Variants in MAP3K4 observed in about 807,000 individuals in gnomAD.
MAP3K4 encodes MAP three kinase 1.
In MAP3K4, 67 loss-of-function variants were observed where a neutral mutation model predicts 185.6. That is an observed-to-expected ratio of 0.36 (90% confidence interval 0.30 to 0.44). The LOEUF is 0.44. Ranked by LOEUF, MAP3K4 falls within the 20% of genes least tolerant of loss-of-function variation. MAP3K4 has a pLI of 1.00. For synonymous variants in MAP3K4, 702 were observed against 710.4 expected (o/e 0.99, Z 0.19); for missense variants, 1,551 against 1,995.1 (o/e 0.78, Z 4.24).
chr6:161,045,166 A>G (rs1250147655), intron 2 of MAP3K4, among the ~76,000 whole-genome samples: 1 of 151,924 alleles, frequency 6.6e-6, no homozygotes, highest in African/African-American at 2.4e-5. Flanking sequence ...TTAAACTAAG[A>G]TGTATGAATT....
Position 161,063,183 on chromosome 6 carries a change from ATTCTGAG to A in MAP3K4, c.1708-7420_1708-7414del, listed in dbSNP as rs1562514847. On this transcript the variant is annotated intron_variant, in intron 3 of 26. Coordinates refer to ENST00000392142, the MANE Select transcript of MAP3K4 (RefSeq NM_005922.4). This position sits in a 1 kb window ranked among gnomAD's most constrained non-coding sequence, Gnocchi z 5.4. Reference sequence around the variant, plus strand: ...ATTTGATTTTTGATTAAAAAATTAAATTCTGAGTTCTATCACTGAGGTTTTTTTTCTA... The same window carrying A: ...ATTTGATTTTTGATTAAAAAATTAAATTCTATCACTGAGGTTTTTTTTCTA... Among the ~76,000 whole-genome samples the A allele has an allele frequency of 2.6e-5, 4 of 151,992 alleles. No homozygotes were observed. The highest frequency in any genetic ancestry group is 7.2e-5 in the African/African-American group (3 of 41,402).
At chr6:161,002,628 G>GTCACC (rs1247138728) in intron 1 of MAP3K4, among the ~76,000 whole-genome samples, 1 of 116,704 alleles carries the variant, frequency 8.6e-6, no homozygotes, top group Non-Finnish European at 1.6e-5. Context: ...GTCTCGCTCT[G>GTCACC]TCACCCAGGC....
At position 161,106,852 on chromosome 6, in the gene MAP3K4, G is replaced by A. The variant is rs1778097345; in HGVS notation, c.4048+147G>A. 1 of 540,894 alleles carries A rather than the reference G, an allele frequency of 1.8e-6. No individual in the cohort carries two copies. The highest frequency in any genetic ancestry group is 3.0e-6 in the Non-Finnish European group (1 of 335,454). The allele number at this position is 540,894 out of a possible 1,614,324, so 33.5% of individuals were successfully genotyped here. A position where few individuals can be genotyped will look rare whatever the true frequency, so the allele number is the denominator to read the frequency against. On this transcript the variant is annotated intron_variant, in intron 20 of 26. Transcript: ENST00000392142. The surrounding 1 kb of genome is among the most constrained non-coding windows in gnomAD (Gnocchi z 4.9). ...TTGTTATCTTTTTGCAAAGTGGTCT[G>A]GATTTTTTTTGGTTGTTTAATTTGT...
chr6:161,077,893 A>G lies in MAP3K4; in HGVS notation c.2098-2988A>G, dbSNP rs564282762. Among the ~76,000 whole-genome samples the G allele has an allele frequency of 4.6e-5, 7 of 152,228 alleles. No homozygotes were observed. Among genetic ancestry groups the G allele is most frequent in the Admixed American group, 3.9e-4 (6 of 15,294 alleles). On this transcript the variant is annotated intron_variant, in intron 5 of 26. Transcript: ENST00000392142. This position sits in a 1 kb window ranked among gnomAD's most constrained non-coding sequence, Gnocchi z 4.3. ...GAAAAAAATATATATATGTATTAAT[A>G]TGTATATACGAGAAAAGGGTGAGGT... is the stretch of plus-strand genomic sequence containing the variant.
In MAP3K4 at chr6:160,992,035, C is replaced by T; in HGVS notation, c.104C>T (p.Pro35Leu). ...PPPPPPPPPP[P>L]PEPETESEPE... ...CCACCGCCGCCGCCGCCACCACCGC[C>T]ACCGGAACCCGAGACCGAGTCAGAA... Residue 35 changes from proline to leucine, a missense_variant, in exon 1 of 27, where the codon CCA (proline) becomes CTA (leucine). This residue lies in a region of MAP3K4 where 287 missense variants were observed against 268.8 expected (regional missense o/e 1.07). Coordinates refer to ENST00000392142, the MANE Select transcript of MAP3K4 (RefSeq NM_005922.4). 1.3e-6 allele frequency: 2 copies of T among 1,571,334 alleles called. No individual in the cohort carries two copies. Among genetic ancestry groups the T allele is most frequent in the Non-Finnish European group, 1.7e-6 (2 of 1,165,528 alleles).
Position 161,020,433 on chromosome 6 carries a change from G to A in MAP3K4, c.153-13826G>A, listed in dbSNP as rs191918510. Among the ~76,000 whole-genome samples, 12 of 152,236 alleles carry A rather than the reference G, an allele frequency of 7.9e-5. No individual in the cohort carries two copies. In the East Asian group the frequency reaches 1.7e-3, roughly 22 times the overall value. On this transcript the variant is annotated intron_variant, in intron 1 of 26. Coordinates refer to ENST00000392142, the MANE Select transcript of MAP3K4 (RefSeq NM_005922.4). Reference sequence around the variant, plus strand: ...CCAGCACTTTGGGAGGCCGAGGTGGGCAGATCACAAGGTTAGGAGATTGAG... The same window carrying A: ...CCAGCACTTTGGGAGGCCGAGGTGGACAGATCACAAGGTTAGGAGATTGAG...
In MAP3K4 at chr6:161,100,849, A is replaced by G. The variant is rs1400599880; in HGVS notation, c.3675-1043A>G. On this transcript the variant is annotated intron_variant, in intron 17 of 26. Coordinates refer to ENST00000392142, the MANE Select transcript of MAP3K4 (RefSeq NM_005922.4). The surrounding 1 kb of genome is among the most constrained non-coding windows in gnomAD (Gnocchi z 5.8). Reference sequence around the variant, plus strand: ...TCAACACCAGTGGTTTTCCCGTCAGATAGTGCCGAATTTTTTATGAACTAT... The same window carrying G: ...TCAACACCAGTGGTTTTCCCGTCAGGTAGTGCCGAATTTTTTATGAACTAT... 1.3e-5 allele frequency among the ~76,000 whole-genome samples: 2 copies of G among 152,154 alleles called. No individual in the cohort carries two copies. The highest frequency in any genetic ancestry group is 4.8e-5 in the African/African-American group (2 of 41,420).
rs978467986 is a variant in MAP3K4 at position 161,075,032 on chromosome 6, A to T, written c.2097+1420A>T. ...TCTGTAGTAGAAGTAGAGAAGGAAG[A>T]ATGTGGCTGGGAATGAGACATATTA... On this transcript the variant is annotated intron_variant, in intron 5 of 26. Transcript: ENST00000392142. The surrounding 1 kb of genome is among the most constrained non-coding windows in gnomAD (Gnocchi z 4.3). Among the ~76,000 whole-genome samples the T allele has an allele frequency of 3.3e-5, 5 of 152,342 alleles. 1 individual carries two copies. Among genetic ancestry groups the T allele is most frequent in the Admixed American group, 3.3e-4 (5 of 15,302 alleles).
chr6:161,072,939 T>C (rs1785016860), intron 4 of MAP3K4, among the ~76,000 whole-genome samples: 1 of 152,210 alleles, frequency 6.6e-6, no homozygotes, highest in Non-Finnish European at 1.5e-5. Context: ...CATCACATAA[T>C]ATTAAGTCGG....
At chr6:161,041,101 G>A (rs555902181) in intron 2 of MAP3K4, among the ~76,000 whole-genome samples, 1 of 152,330 alleles carries the variant, frequency 6.6e-6, no homozygotes, top group South Asian at 2.1e-4. Flanking sequence ...GGCCAAGGTG[G>A]AGCAGAGCTA....
At chr6:161,000,155 C>T (rs1424767036) in intron 1 of MAP3K4, among the ~76,000 whole-genome samples, 1 of 152,142 alleles carries the variant, frequency 6.6e-6, no homozygotes, top group Non-Finnish European at 1.5e-5. Flanking sequence ...AATTTTGAAA[C>T]AGTATTTGAC....
Position 161,049,096 on chromosome 6 carries a change from G to A in MAP3K4, c.824G>A (p.Arg275Gln), listed in dbSNP as rs747759728. The A allele has an allele frequency of 3.7e-6, 6 of 1,614,122 alleles. No homozygotes were observed. The highest frequency in any genetic ancestry group is 5.1e-6 in the Non-Finnish European group (6 of 1,180,018). Residue 275 changes from arginine (R) to glutamine (Q), a missense_variant, in exon 3 of 27, where the codon CGG (arginine) becomes CAG (glutamine). Arg to Gln is a conservative substitution (Grantham distance 43, BLOSUM62 1). Coordinates refer to ENST00000392142, the MANE Select transcript of MAP3K4 (RefSeq NM_005922.4). The surrounding 1 kb of genome is among the most constrained non-coding windows in gnomAD (Gnocchi z 8.4). ...WLELQAWHAG[R>Q]TINDQDFFLY... ...GAGCTACAAGCCTGGCATGCAGGAC[G>A]GACAATTAACGACCAGGACTTCTTT... is the stretch of plus-strand genomic sequence containing the variant.
At chr6:161,069,483 G>A (rs532069269) in intron 3 of MAP3K4, among the ~76,000 whole-genome samples, 1 of 152,270 alleles carries the variant, frequency 6.6e-6, no homozygotes, top group South Asian at 2.1e-4. Flanking sequence ...GTCACGTGGA[G>A]GCAGGAGAGA....
intron 2 of MAP3K4, among the ~76,000 whole-genome samples, chr6:161,045,047 ATAT>A (rs1452773806): frequency 2.6e-5 from 4 of 152,164 alleles, no homozygotes. Flanking sequence ...TGTCACAAGT[ATAT>A]TATTCTAAAA....
chr6:161,108,502 C>T lies in MAP3K4; in HGVS notation c.4120-241C>T, dbSNP rs1228880324. On this transcript the variant is annotated intron_variant, in intron 21 of 26. Transcript: ENST00000392142. The surrounding 1 kb of genome is among the most constrained non-coding windows in gnomAD (Gnocchi z 5.7). ...TGGAGCCGCGTCCTCCTCCACATGG[C>T]GCTCCTCACTCCCTCTCGGAGCAGG... Among the ~76,000 whole-genome samples the T allele has an allele frequency of 2.0e-5, 3 of 152,054 alleles. No homozygotes were observed. The highest frequency in any genetic ancestry group is 2.9e-5 in the Non-Finnish European group (2 of 68,022).
At chr6:161,072,048 G>A (rs894000876) in intron 4 of MAP3K4, among the ~76,000 whole-genome samples, 16 of 152,198 alleles carry the variant, frequency 1.1e-4, no homozygotes, top group African/African-American at 3.6e-4. Context: ...CACTGCTAGA[G>A]TAGAAAGAAA....
At chr6:161,025,122 G>A (rs1426021521) in intron 1 of MAP3K4, among the ~76,000 whole-genome samples, 1 of 152,078 alleles carries the variant, frequency 6.6e-6, no homozygotes, top group Non-Finnish European at 1.5e-5. Flanking sequence ...TCCCACCTTC[G>A]GCCAAATGGG....
At position 161,096,437 on chromosome 6, in the gene MAP3K4, C is replaced by A. The variant is rs189621583; in HGVS notation, c.3428-643C>A. Among the ~76,000 whole-genome samples the A allele has an allele frequency of 6.6e-6, 1 of 152,000 alleles. No homozygotes were observed. The highest frequency in any genetic ancestry group is 6.6e-5 in the Admixed American group (1 of 15,252). Reference sequence around the variant, plus strand: ...GACGCATGTCCACTAATACTGACATCTAGTTATTGGGAAAGTGGAATTATC... The same window carrying A: ...GACGCATGTCCACTAATACTGACATATAGTTATTGGGAAAGTGGAATTATC... On this transcript the variant is annotated intron_variant, in intron 15 of 26. Transcript: ENST00000392142. The surrounding 1 kb of genome is among the most constrained non-coding windows in gnomAD (Gnocchi z 4.9).
At position 161,037,568 on chromosome 6, in the gene MAP3K4, G is replaced by A. The variant is rs1277204672; in HGVS notation, c.343+3119G>A. On this transcript the variant is annotated intron_variant, in intron 2 of 26. Coordinates refer to ENST00000392142, the MANE Select transcript of MAP3K4 (RefSeq NM_005922.4). This position sits in a 1 kb window ranked among gnomAD's most constrained non-coding sequence, Gnocchi z 4.2. Reference sequence around the variant, plus strand: ...CGAGTAGCTAGGACTACAGGCATGCGCCACCATGCCCGACTAATTTTGTAT... The same window carrying A: ...CGAGTAGCTAGGACTACAGGCATGCACCACCATGCCCGACTAATTTTGTAT... Among the ~76,000 whole-genome samples the A allele has an allele frequency of 1.3e-5, 2 of 151,982 alleles. No homozygotes were observed. Among genetic ancestry groups the A allele is most frequent in the African/African-American group, 2.4e-5 (1 of 41,394 alleles).
Sources: gnomAD v4.1 joint callset for allele counts (sites outside exome capture counted in the v4.1 genomes callset) on GRCh38, gnomAD v4.1.1 for gene constraint, gnomAD v4.1.1 regional missense constraint, Gnocchi (gnomAD v3.1) non-coding constraint, MANE v1.5 for transcripts, NCBI Gene and HGNC (gene_info 2026-07-23, HGNC 2026-07-21) for gene names.